WNT3A: variants seen among roughly 807,000 people sequenced by gnomAD.
WNT3A encodes the protein protein Wnt-3a.
A neutral mutation model predicts 37.0 loss-of-function variants in WNT3A; 17 were observed. The observed-to-expected ratio is 0.46, with a 90% CI of 0.31 to 0.69. The LOEUF is 0.69. WNT3A is among the 30% of genes least tolerant of loss of function. The pLI is 0.05. For missense variants in WNT3A, 411 were observed against 510.2 expected, an observed-to-expected ratio of 0.81 and a Z score of 1.87; for synonymous variants, 187 against 211.0, an observed-to-expected ratio of 0.89 and a Z score of 0.99.
intron 2 of WNT3A, among the ~76,000 whole-genome samples, chr1:228,030,339 T>A (rs2030969678): frequency 6.7e-6 from 1 of 150,204 alleles, no homozygotes; most frequent in Non-Finnish European, 1.5e-5. Context: ...GAGGTTTTAG[T>A]GAGCCGAGAT....
intron 1 of WNT3A, among the ~76,000 whole-genome samples, chr1:228,017,088 C>T (rs184876395): frequency 5.7e-4 from 87 of 152,314 alleles, no homozygotes; most frequent in African/African-American, 2.0e-3. Flanking sequence ...GGCCAACATG[C>T]GGGAAGCCCT....
chr1:228,045,126 G>A (rs1052632807), intron 2 of WNT3A, among the ~76,000 whole-genome samples: 7 of 152,222 alleles, frequency 4.6e-5, no homozygotes, highest in African/African-American at 1.4e-4. Flanking sequence ...TGGCTATTGG[G>A]GCTGTTTGCC....
rs371944998 is a variant in WNT3A at position 228,022,881 on chromosome 1, G to T, written c.286G>T (p.Ala96Ser). The T allele has an allele frequency of 1.9e-6, 3 of 1,611,892 alleles. No homozygotes were observed. The highest frequency in any genetic ancestry group is 2.5e-6 in the Non-Finnish European group (3 of 1,178,496). ...CTGCACCACCGTCCACGACAGCCTG[G>T]CCATCTTCGGGCCCGTGCTGGACAA... ...WNCTTVHDSL[A>S]IFGPVLDKAT... The change falls in exon 2 of 4, where the codon GCC (alanine) becomes TCC (serine). Residue 96 changes from alanine (A) to serine (S), a missense_variant. Ala to Ser is a moderately conservative substitution (Grantham distance 99). Transcript: ENST00000284523.
chr1:228,037,134 C>T lies in WNT3A; in HGVS notation c.314-13522C>T, dbSNP rs1167038824. On this transcript the variant is annotated intron_variant, in intron 2 of 3. Coordinates refer to ENST00000284523, the MANE Select transcript of WNT3A (RefSeq NM_033131.4). This position sits in a 1 kb window ranked among gnomAD's most constrained non-coding sequence, Gnocchi z 4.1. ...TTCCCACAACTCCCAGTGGACACTTCCCAGAGCCCTGGGGTTTGCTTCTTC... is the reference window on the plus strand; with the variant it reads ...TTCCCACAACTCCCAGTGGACACTTTCCAGAGCCCTGGGGTTTGCTTCTTC... Among the ~76,000 whole-genome samples, 1 of 152,126 alleles carries T rather than the reference C, an allele frequency of 6.6e-6. No homozygotes were observed. Among genetic ancestry groups the T allele is most frequent in the African/African-American group, 2.4e-5 (1 of 41,422 alleles).
intron 2 of WNT3A, among the ~76,000 whole-genome samples, chr1:228,024,711 G>A: frequency 6.6e-6 from 1 of 152,052 alleles, no homozygotes; most frequent in East Asian, 1.9e-4. Context: ...GCAAGAATTA[G>A]CTAACATAAG....
intron 2 of WNT3A, among the ~76,000 whole-genome samples, chr1:228,041,295 C>G (rs1446023675): frequency 6.6e-6 from 1 of 152,102 alleles, no homozygotes; most frequent in South Asian, 2.1e-4. Context: ...TGTGATGGAG[C>G]CTTGCCTGGC....
intron 2 of WNT3A, among the ~76,000 whole-genome samples, chr1:228,030,395 CAAA>C (rs1231391017): frequency 2.0e-5 from 2 of 99,998 alleles, no homozygotes; most frequent in African/African-American, 3.6e-5. Flanking sequence ...GACTCCATCT[CAAA>C]AAAAAAAAAA....
At chr1:228,048,884 G>A (rs892951162) in intron 2 of WNT3A, among the ~76,000 whole-genome samples, 3 of 152,038 alleles carry the variant, frequency 2.0e-5, no homozygotes, top group Non-Finnish European at 4.4e-5. Flanking sequence ...CCACACCACC[G>A]CTCATTCCCA....
chr1:228,048,776 C>G (rs1358229683), intron 2 of WNT3A, among the ~76,000 whole-genome samples: 1 of 152,086 alleles, frequency 6.6e-6, no homozygotes, highest in Non-Finnish European at 1.5e-5. Context: ...TCTCCTCATG[C>G]CCTTGCAGAA....
chr1:228,008,333 G>T lies in WNT3A; in HGVS notation c.71+1134G>T, dbSNP rs377562911. Among the ~76,000 whole-genome samples, 1 of 152,218 alleles carries T rather than the reference G, an allele frequency of 6.6e-6. No homozygotes were observed. Among genetic ancestry groups the T allele is most frequent in the Non-Finnish European group, 1.5e-5 (1 of 68,032 alleles). On this transcript the variant is annotated intron_variant, in intron 1 of 3. Coordinates refer to ENST00000284523, the MANE Select transcript of WNT3A (RefSeq NM_033131.4). This position sits in a 1 kb window ranked among gnomAD's most constrained non-coding sequence, Gnocchi z 4.9. Reference sequence around the variant, plus strand: ...TTATAATAATTACGCCGAGGGGAAGGGGGGAGACCCAGCGAGCCGAGGTAC... The same window carrying T: ...TTATAATAATTACGCCGAGGGGAAGTGGGGAGACCCAGCGAGCCGAGGTAC...
chr1:228,056,070 C>T (rs969870378), intron 3 of WNT3A, among the ~76,000 whole-genome samples: 1 of 152,216 alleles, frequency 6.6e-6, no homozygotes, highest in Non-Finnish European at 1.5e-5. Context: ...CTCTGACCAA[C>T]TCAAAAGAGG....
At chr1:228,043,966 T>C (rs1192732423) in intron 2 of WNT3A, among the ~76,000 whole-genome samples, 1 of 152,066 alleles carries the variant, frequency 6.6e-6, no homozygotes, top group Non-Finnish European at 1.5e-5. Context: ...ATTTTTTAAC[T>C]TTTTATTTAT....
At chr1:228,026,945 C>T (rs949389686) in intron 2 of WNT3A, among the ~76,000 whole-genome samples, 10 of 152,152 alleles carry the variant, frequency 6.6e-5, no homozygotes, top group African/African-American at 1.9e-4. Context: ...TGGTTTCAAG[C>T]GATTCTCCTG....
rs1297138942 is a variant in WNT3A at position 228,008,171 on chromosome 1, C to T, written c.71+972C>T. On this transcript the variant is annotated intron_variant, in intron 1 of 3. Coordinates refer to ENST00000284523, the MANE Select transcript of WNT3A (RefSeq NM_033131.4). The surrounding 1 kb of genome is among the most constrained non-coding windows in gnomAD (Gnocchi z 4.9). Reference sequence around the variant, plus strand: ...CCGAATTAAGGGCGCTCTGAGATGCCCAAGATTGAGGAACACAAGTGGGAG... The same window carrying T: ...CCGAATTAAGGGCGCTCTGAGATGCTCAAGATTGAGGAACACAAGTGGGAG... Among the ~76,000 whole-genome samples, 1 of 152,142 alleles carries T rather than the reference C, an allele frequency of 6.6e-6. No individual in the cohort carries two copies. Among genetic ancestry groups the T allele is most frequent in the East Asian group, 1.9e-4 (1 of 5,166 alleles).
At chr1:228,011,945 C>T (rs888950289) in intron 1 of WNT3A, among the ~76,000 whole-genome samples, 1 of 152,268 alleles carries the variant, frequency 6.6e-6, no homozygotes, top group Admixed American at 6.5e-5. Context: ...GCACAGCACC[C>T]TTCCAGAGTG....
chr1:228,011,321 G>A (rs1293276300), intron 1 of WNT3A, among the ~76,000 whole-genome samples: 6 of 152,132 alleles, frequency 3.9e-5, no homozygotes, highest in African/African-American at 7.2e-5. Flanking sequence ...CTTGTGATAG[G>A]AGGGATGGTT....
Position 228,059,831 on chromosome 1 carries a change from A to T in WNT3A, c.*366A>T. On this transcript the variant is annotated 3_prime_UTR_variant, in exon 4 of 4. Coordinates refer to ENST00000284523, the MANE Select transcript of WNT3A (RefSeq NM_033131.4). ...CTCCTGCGGGGGCGAGGCCCCTCCC[A>T]GTAAGGGCGTGGCTCTGGGTGGGCG... 9.4e-7 allele frequency: 1 copy of T among 1,063,314 alleles called. No individual in the cohort carries two copies. The highest frequency in any genetic ancestry group is 1.1e-6 in the Non-Finnish European group (1 of 880,352). The allele number at this position is 1,063,314 out of a possible 1,614,324, so 65.9% of individuals were successfully genotyped here.
chr1:228,052,165 TG>T (rs372070065), intron 3 of WNT3A, among the ~76,000 whole-genome samples: 105 of 151,992 alleles, frequency 6.9e-4, no homozygotes, highest in African/African-American at 1.8e-3. Context: ...GATTTCTTTC[TG>T]GGGGGGTGGG....
chr1:228,041,910 G>T (rs1179757888), intron 2 of WNT3A, among the ~76,000 whole-genome samples: 2 of 152,174 alleles, frequency 1.3e-5, no homozygotes, highest in African/African-American at 4.8e-5. Flanking sequence ...ACCAGGACAG[G>T]AACTCCTTCA....
Sources: allele counts gnomAD v4.1 joint callset (sites outside exome capture counted in the v4.1 genomes callset), GRCh38; gene constraint gnomAD v4.1.1; non-coding constraint Gnocchi (gnomAD v3.1); transcripts MANE v1.5; gene names NCBI Gene and HGNC (gene_info 2026-07-23, HGNC 2026-07-21).